PCCA: variants seen among roughly 807,000 people sequenced by gnomAD.
PCCA encodes the protein propionyl-CoA carboxylase alpha chain, mitochondrial.
Under a neutral mutation model 101.3 loss-of-function variants are expected in PCCA, and 74 were observed. The observed-to-expected ratio is 0.73, with a 90% CI of 0.61 to 0.89. The LOEUF (loss-of-function observed/expected upper bound fraction) is 0.89, where lower values mean the gene tolerates loss of function less well. Ranked by LOEUF, PCCA falls within the 40% of genes least tolerant of loss-of-function variation. The pLI is 0.00. For missense variants in PCCA, 891 were observed against 907.0 expected (o/e 0.98, Z 0.23); for synonymous variants, 294 against 313.6 (o/e 0.94, Z 0.66).
At chr13:100,116,096 C>T (rs562081253) in intron 4 of PCCA, among the ~76,000 whole-genome samples, 2 of 152,300 alleles carry the variant, frequency 1.3e-5, no homozygotes, top group South Asian at 4.1e-4. Context: ...GCATCTTTTG[C>T]ATCCTCAGCA....
At chr13:100,336,813 A>G (rs2070533156) in intron 17 of PCCA, among the ~76,000 whole-genome samples, 1 of 152,180 alleles carries the variant, frequency 6.6e-6, no homozygotes, top group African/African-American at 2.4e-5. Context: ...CTAAGCTTGA[A>G]TGTTGTGAAC....
intron 19 of PCCA, among the ~76,000 whole-genome samples, chr13:100,403,258 G>A (rs970361584): frequency 6.6e-6 from 1 of 152,152 alleles, no homozygotes; most frequent in Non-Finnish European, 1.5e-5. Context: ...AGAGATGTCA[G>A]GTAATAGTTG....
intron 16 of PCCA, among the ~76,000 whole-genome samples, chr13:100,323,488 T>C (rs544715044): frequency 6.6e-6 from 1 of 152,202 alleles, no homozygotes; most frequent in South Asian, 2.1e-4. Context: ...TGGCTAATTA[T>C]TGTATTTTTA....
chr13:100,454,231 A>G (rs2081557592), intron 21 of PCCA, among the ~76,000 whole-genome samples: 1 of 152,122 alleles, frequency 6.6e-6, no homozygotes, highest in Admixed American at 6.6e-5. Context: ...TAAATCATAG[A>G]TTCCTTGCCA....
intron 21 of PCCA, among the ~76,000 whole-genome samples, chr13:100,511,758 C>G (rs190124842): frequency 6.6e-6 from 1 of 152,212 alleles, no homozygotes; most frequent in African/African-American, 2.4e-5. Flanking sequence ...GCGCTCACCT[C>G]GGGAGCAGCC....
At chr13:100,089,905 T>C (rs2046121185) in intron 1 of PCCA, among the ~76,000 whole-genome samples, 1 of 152,196 alleles carries the variant, frequency 6.6e-6, no homozygotes, top group Non-Finnish European at 1.5e-5. Flanking sequence ...TGATGGCAGA[T>C]TGACAAACAG....
At chr13:100,396,139 T>C (rs1251472668) in intron 19 of PCCA, among the ~76,000 whole-genome samples, 3 of 152,168 alleles carry the variant, frequency 2.0e-5, no homozygotes, top group Admixed American at 1.3e-4. Context: ...TTGTGTAAAG[T>C]TGGAAAAGTT....
intron 2 of PCCA, among the ~76,000 whole-genome samples, chr13:100,109,487 G>A (rs569335752): frequency 1.3e-5 from 2 of 152,270 alleles, no homozygotes; most frequent in African/African-American, 4.8e-5. Context: ...TAGGAGTGGT[G>A]TTTGTGGTGA....
At chr13:100,123,281 C>T (rs1295371687) in intron 4 of PCCA, among the ~76,000 whole-genome samples, 1 of 152,182 alleles carries the variant, frequency 6.6e-6, no homozygotes, top group Non-Finnish European at 1.5e-5. Context: ...TCTCAAACTA[C>T]TGACCTCAGG....
At chr13:100,511,259 A>G (rs1215350396) in intron 21 of PCCA, among the ~76,000 whole-genome samples, 2 of 152,172 alleles carry the variant, frequency 1.3e-5, no homozygotes, top group Admixed American at 6.5e-5. Context: ...CGCGCTTTCC[A>G]TCACTTTAAA....
At chr13:100,340,802 G>C (rs1053599886) in intron 18 of PCCA, among the ~76,000 whole-genome samples, 2 of 152,172 alleles carry the variant, frequency 1.3e-5, no homozygotes, top group Non-Finnish European at 2.9e-5. Flanking sequence ...CTTCTAGAGA[G>C]AGGATTGTTT....
intron 8 of PCCA, chr13:100,237,642 G>C (rs936059494): frequency 6.6e-6 from 1 of 152,058 alleles, no homozygotes; most frequent in African/African-American, 2.4e-5. Context: ...ATTCCATCCT[G>C]TCAGACATCT....
intron 14 of PCCA, among the ~76,000 whole-genome samples, chr13:100,306,386 T>C (rs2066454699): frequency 6.6e-6 from 1 of 152,234 alleles, no homozygotes; most frequent in African/African-American, 2.4e-5. Flanking sequence ...TTTTAAATAC[T>C]TCAGATTCCA....
At chr13:100,359,991 G>A (rs2074389060) in intron 18 of PCCA, among the ~76,000 whole-genome samples, 1 of 152,104 alleles carries the variant, frequency 6.6e-6, no homozygotes, top group African/African-American at 2.4e-5. Flanking sequence ...ACTTGTATTA[G>A]TCCATTTTCA....
chr13:100,300,156 T>C (rs1229352845), intron 12 of PCCA, among the ~76,000 whole-genome samples: 1 of 152,264 alleles, frequency 6.6e-6, no homozygotes, highest in African/African-American at 2.4e-5. Flanking sequence ...TAATTTGCTT[T>C]CAAAAATACA....
intron 8 of PCCA, among the ~76,000 whole-genome samples, chr13:100,248,310 A>T (rs868012372): frequency 4.6e-5 from 7 of 152,032 alleles, no homozygotes; most frequent in African/African-American, 1.7e-4. Flanking sequence ...CTTTAAAAAA[A>T]ATGTCTCTTG....
intron 4 of PCCA, among the ~76,000 whole-genome samples, chr13:100,115,421 AGAATT>A (rs2048712831): frequency 6.6e-6 from 1 of 152,216 alleles, no homozygotes; most frequent in African/African-American, 2.4e-5. Flanking sequence ...TTTAGGGAAT[AGAATT>A]GGGATGCTTG....
At chr13:100,383,192 A>G (rs569289601) in intron 19 of PCCA, among the ~76,000 whole-genome samples, 1 of 151,950 alleles carries the variant, frequency 6.6e-6, no homozygotes, top group African/African-American at 2.4e-5. Context: ...GGTTTTCGCC[A>G]TGTTGCCTAG....
chr13:100,422,385 G>T (rs1327176971), intron 19 of PCCA, among the ~76,000 whole-genome samples: 6 of 151,844 alleles, frequency 4.0e-5, no homozygotes, highest in Non-Finnish European at 7.4e-5. Context: ...CAGTCCTCCT[G>T]CCTGGGCCTC....
Sources: gnomAD v4.1 joint callset for allele counts (sites outside exome capture counted in the v4.1 genomes callset) on GRCh38, gnomAD v4.1.1 for gene constraint, MANE v1.5 for transcripts, NCBI Gene and HGNC (gene_info 2026-07-23, HGNC 2026-07-21) for gene names.